DAP3: variants seen among roughly 807,000 people sequenced by gnomAD.
DAP3 encodes death associated protein 3, also known as small ribosomal subunit protein mS29.
DAP3 carries 28 observed loss-of-function variants against 51.9 expected under a neutral mutation model. That is an observed-to-expected ratio of 0.54 (90% CI 0.40 to 0.74). The LOEUF is 0.74. Ranked by LOEUF, DAP3 falls within the 30% of genes least tolerant of loss-of-function variation. The pLI, the probability that DAP3 is intolerant of heterozygous loss-of-function variation, is 0.00. For synonymous variants in DAP3, 170 were observed against 170.3 expected, an observed-to-expected ratio of 1.00 and a Z score of 0.01; for missense variants, 458 against 483.5, an observed-to-expected ratio of 0.95 and a Z score of 0.49.
At chr1:155,700,557 G>A (rs1341803379) in intron 1 of DAP3, among the ~76,000 whole-genome samples, 1 of 151,188 alleles carries the variant, frequency 6.6e-6, no homozygotes, top group Admixed American at 6.6e-5. Flanking sequence ...CGCCCCATCC[G>A]GGAGGGAGGT....
At chr1:155,720,207 C>T (rs1657814784) in intron 3 of DAP3, among the ~76,000 whole-genome samples, 2 of 151,014 alleles carry the variant, frequency 1.3e-5, no homozygotes, top group African/African-American at 4.9e-5. Context: ...CACCTGTGGT[C>T]CCAGCTACTT....
chr1:155,713,259 C>A (rs1169467401), intron 2 of DAP3, among the ~76,000 whole-genome samples: 1 of 152,132 alleles, frequency 6.6e-6, no homozygotes, highest in East Asian at 1.9e-4. Flanking sequence ...CACATGACCC[C>A]TCCTGTTTCT....
intron 1 of DAP3, among the ~76,000 whole-genome samples, chr1:155,695,118 C>G (rs1253714369): frequency 2.6e-5 from 4 of 152,184 alleles, no homozygotes; most frequent in African/African-American, 9.7e-5. Context: ...GTAGCCTGGT[C>G]TGTTGTCTGT....
chr1:155,721,421 C>A, intron 3 of DAP3, 96 bp from the exon 4 acceptor site: 1 of 704,244 alleles, frequency 1.4e-6, no homozygotes, highest in Non-Finnish European at 2.4e-6. Context: ...TATATATACA[C>A]ATAGACATAC....
At chr1:155,733,330 A>C (rs1571569117) in intron 11 of DAP3, among the ~76,000 whole-genome samples, 1 of 152,184 alleles carries the variant, frequency 6.6e-6, no homozygotes, top group Admixed American at 6.6e-5. Context: ...TTTGGAATTA[A>C]TATGTATGTT....
chr1:155,714,870 G>T (rs1571499993), intron 2 of DAP3, among the ~76,000 whole-genome samples: 1 of 152,180 alleles, frequency 6.6e-6, no homozygotes, highest in East Asian at 1.9e-4. Flanking sequence ...GTGTGAGGAG[G>T]GATGGTACAG....
At chr1:155,706,337 C>A (rs564333328) in intron 1 of DAP3, among the ~76,000 whole-genome samples, 1 of 152,300 alleles carries the variant, frequency 6.6e-6, no homozygotes, top group African/African-American at 2.4e-5. Context: ...CTATAAATTC[C>A]TTGACTATAA....
At chr1:155,717,638 ACT>A (rs1571509777) in intron 3 of DAP3, among the ~76,000 whole-genome samples, 1 of 152,024 alleles carries the variant, frequency 6.6e-6, no homozygotes, top group Admixed American at 6.6e-5. Flanking sequence ...AACTTAACAA[ACT>A]CTGGTATGGA....
intron 4 of DAP3, among the ~76,000 whole-genome samples, chr1:155,724,166 C>T (rs1658307612): frequency 6.6e-6 from 1 of 151,912 alleles, no homozygotes; most frequent in South Asian, 2.1e-4. Context: ...TAGTACTTCC[C>T]AAATTTCCCA....
At chr1:155,691,919 G>A (rs1653870677) in intron 1 of DAP3, among the ~76,000 whole-genome samples, 1 of 141,528 alleles carries the variant, frequency 7.1e-6, no homozygotes, top group East Asian at 1.9e-4. Flanking sequence ...TGTTCATAAA[G>A]GTGGGAGCCA....
At chr1:155,699,538 T>C (rs190213232) in intron 1 of DAP3, among the ~76,000 whole-genome samples, 267 of 152,332 alleles carry the variant, frequency 1.8e-3, no homozygotes, top group Non-Finnish European at 3.0e-3. Context: ...TGACTAGTAA[T>C]GTTAAACATC....
chr1:155,688,938 G>A (rs375716262), upstream of DAP3: 211 of 1,612,708 alleles, frequency 1.3e-4, no homozygotes, highest in Non-Finnish European at 1.6e-4. Context: ...ACCTCCCTGG[G>A]TTCGTCGCCG....
intron 4 of DAP3, among the ~76,000 whole-genome samples, chr1:155,722,771 T>G (rs780119892): frequency 3.9e-5 from 6 of 152,126 alleles, no homozygotes; most frequent in Non-Finnish European, 8.8e-5. Flanking sequence ...GCACTCCAAC[T>G]CAGACAACAG....
upstream of DAP3, chr1:155,688,241 G>A (rs558505177): frequency 4.3e-6 from 7 of 1,610,934 alleles, no homozygotes; most frequent in African/African-American, 2.7e-5. Context: ...AAGGTGGAGG[G>A]CTAAAGGGGC....
At chr1:155,703,826 T>TGC (rs1187272238) in intron 1 of DAP3, among the ~76,000 whole-genome samples, 4 of 152,184 alleles carry the variant, frequency 2.6e-5, no homozygotes, top group African/African-American at 9.6e-5. Context: ...TGTGAGCCAC[T>TGC]GCGCCTGACC....
chr1:155,727,538 A>C, intron 6 of DAP3, 70 bp from the exon 7 acceptor site: 1 of 1,513,420 alleles, frequency 6.6e-7, no homozygotes, highest in Non-Finnish European at 8.9e-7. Context: ...AACTTAAAAG[A>C]GGCATAGAAT....
intron 1 of DAP3, among the ~76,000 whole-genome samples, chr1:155,699,957 A>C (rs1174212260): frequency 1.3e-5 from 2 of 149,248 alleles, no homozygotes; most frequent in Non-Finnish European, 3.0e-5. Flanking sequence ...CTTTTTTTTG[A>C]GATGGAGTCT....
intron 1 of DAP3, among the ~76,000 whole-genome samples, chr1:155,700,662 G>C (rs1558339004): frequency 1.4e-5 from 2 of 142,580 alleles, no homozygotes; most frequent in South Asian, 2.3e-4. Flanking sequence ...GAGCCCCTCA[G>C]CCCGGCCAGC....
intron 12 of DAP3, 70 bp downstream of exon 12, chr1:155,737,133 A>G: frequency 9.0e-7 from 1 of 1,105,504 alleles, no homozygotes; most frequent in South Asian, 1.3e-5. Flanking sequence ...CAGAGCCTTG[A>G]TCTCTTCTTC....
Sources: allele counts gnomAD v4.1 joint callset (sites outside exome capture counted in the v4.1 genomes callset), GRCh38; gene constraint gnomAD v4.1.1; transcripts MANE v1.5; gene names NCBI Gene and HGNC (gene_info 2026-07-23, HGNC 2026-07-21).